Variants in DENND4A observed in about 807,000 individuals in gnomAD.
DENND4A encodes DENN domain containing 4A, also known as C-myc promoter-binding protein.
A neutral mutation model predicts 199.3 loss-of-function variants in DENND4A; 70 were observed. The observed-to-expected ratio is 0.35, with a 90% confidence interval of 0.29 to 0.43. The LOEUF (loss-of-function observed/expected upper bound fraction) is 0.43, where lower values mean the gene tolerates loss of function less well. Among genes scored for constraint, DENND4A ranks in the 20% least tolerant of loss-of-function variants. The pLI, the probability that DENND4A is intolerant of heterozygous loss-of-function variation, is 1.00. For synonymous variants in DENND4A, 686 were observed against 766.9 expected, an observed-to-expected ratio of 0.89 and a Z score of 1.74; for missense variants, 1,723 against 2,255.8, an observed-to-expected ratio of 0.76 and a Z score of 4.78.
Position 65,697,369 on chromosome 15 carries a change from G to T in DENND4A, c.2848C>A (p.Leu950Ile). The change falls in exon 21 of 33, where the codon CTT becomes ATT. Residue 950 changes from leucine (L) to isoleucine (I), a missense_variant. Physicochemically the swap from Leu to Ile is conservative, Grantham distance 5. Around this residue, in one of 6 missense-constraint regions of DENND4A, gnomAD observed 650 missense variants for 738.1 expected, o/e 0.88. Transcript: ENST00000443035. The stretch of plus-strand genomic sequence containing the variant: ...TCTTTAGATAATGAATTATATCCAA[G>T]ATCAGACTGGCCACCTGGTAAAAAC... ...DRSSTGGQSD[L>I]GYNSLSKDEV... The T allele has an allele frequency of 6.3e-7, 1 of 1,599,262 alleles. No individual in the cohort carries two copies.
At chr15:65,696,165 CT>C (rs1325176148) in intron 22 of DENND4A, among the ~76,000 whole-genome samples, 200 bp downstream of exon 22, 1 of 152,072 alleles carries the variant, frequency 6.6e-6, no homozygotes, top group Non-Finnish European at 1.5e-5. Context: ...AGGTTTACCC[CT>C]ATGCCTTGCT....
Position 65,708,624 on chromosome 15 carries a change from T to C in DENND4A, c.1954-2400A>G, listed in dbSNP as rs192485616. ...CTTTTGGAAAGCATGGTGACATCTG[T>C]CTCTATCGAGAGAAAAAGAAATCCA... On this transcript the variant is annotated intron_variant, in intron 14 of 32. Coordinates refer to ENST00000443035, the MANE Select transcript of DENND4A (RefSeq NM_001320835.1). Among the ~76,000 whole-genome samples the C allele has an allele frequency of 5.9e-5, 9 of 152,214 alleles. No homozygotes were observed. The East Asian group carries it at 1.7e-3, about 29-fold the overall frequency.
At chr15:65,740,817 C>T (rs896992161) in intron 5 of DENND4A, among the ~76,000 whole-genome samples, 11 of 151,858 alleles carry the variant, frequency 7.2e-5, no homozygotes, top group African/African-American at 2.4e-4. Flanking sequence ...AAAAAATTAG[C>T]CAGGCATGCT....
chr15:65,737,644 G>A (rs1430958688), intron 7 of DENND4A, 63 bp downstream of exon 7: 103 of 1,484,148 alleles, frequency 6.9e-5, no homozygotes, highest in East Asian at 1.5e-4. Flanking sequence ...CCCAGTTGCC[G>A]ACACAAATTT....
intron 2 of DENND4A, among the ~76,000 whole-genome samples, chr15:65,760,775 G>C (rs1414362240): frequency 6.6e-6 from 1 of 151,828 alleles, no homozygotes; most frequent in Non-Finnish European, 1.5e-5. Flanking sequence ...TATGATCCCA[G>C]CTACTTGAGA....
At position 65,771,503 on chromosome 15, in the gene DENND4A, A is replaced by T. The variant is rs112986657; in HGVS notation, c.-101-10065T>A. On this transcript the variant is annotated intron_variant, in intron 1 of 32. Transcript: ENST00000443035. ...ATAGAAGGAATAAGGAGGATTACAG[A>T]CCATCAACTGGCTTAATAATGACAC... The T allele has an allele frequency of 3.1e-6, 5 of 1,611,164 alleles. No individual in the cohort carries two copies. In the East Asian group the frequency reaches 6.7e-5, roughly 22 times the overall value.
chr15:65,771,967 G>A (rs1219780798), intron 1 of DENND4A: 17 of 1,541,454 alleles, frequency 1.1e-5, no homozygotes, highest in Middle Eastern at 1.7e-4. Flanking sequence ...ACTATCTTTC[G>A]TAACTCCAAG....
intron 22 of DENND4A, among the ~76,000 whole-genome samples, chr15:65,691,849 A>G (rs2076979423): frequency 1.3e-5 from 2 of 152,040 alleles, no homozygotes; most frequent in African/African-American, 4.8e-5. Context: ...TAAAAATGTT[A>G]TCAATTAAGA....
intron 13 of DENND4A, among the ~76,000 whole-genome samples, chr15:65,716,352 A>C (rs2075400032): frequency 2.0e-5 from 3 of 149,448 alleles, no homozygotes; most frequent in African/African-American, 7.4e-5. Flanking sequence ...CCATTAACTC[A>C]TCATTTAACA....
Position 65,697,383 on chromosome 15 carries a change from C to T in DENND4A, c.2834G>A (p.Gly945Asp). ...VYATDDRSST[G>D]GQSDLGYNSL... The stretch of plus-strand genomic sequence containing the variant: ...ATTATATCCAAGATCAGACTGGCCA[C>T]CTGGTAAAAACAAAAATAAACAAAA... Residue 945 changes from glycine (G) to aspartate (D), a missense_variant and splice_region_variant, in exon 21 of 33, where the codon GGT becomes GAT. By Grantham distance (94) the Gly-to-Asp change is moderately conservative. Around this residue, in one of 6 missense-constraint regions of DENND4A, gnomAD observed 650 missense variants for 738.1 expected, o/e 0.88. Transcript: ENST00000443035. The T allele has an allele frequency of 6.3e-6, 10 of 1,582,356 alleles. No individual in the cohort carries two copies. The highest frequency in any genetic ancestry group is 8.6e-6 in the Non-Finnish European group (10 of 1,161,684).
At chr15:65,748,052 AAAAAAAAAAAAGG>A in intron 4 of DENND4A, among the ~76,000 whole-genome samples, 1 of 147,724 alleles carries the variant, frequency 6.8e-6, no homozygotes, top group African/African-American at 2.5e-5. Flanking sequence ...AAAAAAAAAA[AAAAAAAAAAAAGG>A]AAAAAAAAAA....
rs147633230 is a variant in DENND4A, at chr15:65,698,480, G to A, written c.2834-1097C>T. On this transcript the variant is annotated intron_variant, in intron 20 of 32. Transcript: ENST00000443035. ...TTTGAAGTTCCCAAATTTGTAAAAC[G>A]TAAGGTTGTTATTACTATATGAGAC... Among the ~76,000 whole-genome samples, 5 of 152,086 alleles carry A rather than the reference G, an allele frequency of 3.3e-5. No individual in the cohort carries two copies. In the East Asian group the frequency reaches 7.7e-4, roughly 23 times the overall value.
chr15:65,715,433 G>T, intron 14 of DENND4A, 45 bp downstream of exon 14: 1 of 1,532,394 alleles, frequency 6.5e-7, no homozygotes, highest in Non-Finnish European at 8.8e-7. Context: ...ATTTATAACA[G>T]TCACACAAAA....
intron 1 of DENND4A, among the ~76,000 whole-genome samples, chr15:65,774,825 A>T (rs1300529458): frequency 5.1e-5 from 5 of 98,918 alleles, no homozygotes; most frequent in East Asian, 2.6e-3. Context: ...TGCTTTTTTT[A>T]AAAAAAAATT....
At chr15:65,752,346 G>A (rs780916414) in intron 4 of DENND4A, 33 bp downstream of exon 4, 2 of 958,434 alleles carry the variant, frequency 2.1e-6, no homozygotes, top group Non-Finnish European at 2.9e-6. Flanking sequence ...TTTCATCAGT[G>A]GTTAATGTTA....
chr15:65,700,622 C>T lies in DENND4A; in HGVS notation c.2755G>A (p.Gly919Arg), dbSNP rs760750616. 8.4e-6 allele frequency: 13 copies of T among 1,547,698 alleles called. No homozygotes were observed. The African/African-American group carries it at 1.8e-4, about 21-fold the overall frequency. ...VSHGSMDSGH[G>R]THTVEQAPFN... ...GGTGCCTGCTCCACAGTGTGTGTCCCATGACCACTATCCATGCTGCCATGA... is the reference window on the plus strand; with the variant it reads ...GGTGCCTGCTCCACAGTGTGTGTCCTATGACCACTATCCATGCTGCCATGA... The change falls in exon 20 of 33, where the codon GGG becomes AGG. Residue 919 changes from glycine to arginine, a missense_variant. This residue lies in a region of DENND4A where 650 missense variants were observed against 738.1 expected (regional missense o/e 0.88). Transcript: ENST00000443035.
At chr15:65,705,779 A>G (rs527478710) in intron 15 of DENND4A, among the ~76,000 whole-genome samples, 55 of 151,348 alleles carry the variant, frequency 3.6e-4, no homozygotes, top group African/African-American at 1.2e-3. Context: ...AGCTTTAACG[A>G]AAAAAAAATC....
chr15:65,785,911 C>T (rs924790975), intron 1 of DENND4A, among the ~76,000 whole-genome samples: 2 of 152,068 alleles, frequency 1.3e-5, no homozygotes, highest in African/African-American at 4.8e-5. Context: ...TTGTAACTAT[C>T]CTGAAAATAC....
chr15:65,691,566 C>A, intron 22 of DENND4A, 55 bp from the exon 23 acceptor site: 1 of 1,447,656 alleles, frequency 6.9e-7, no homozygotes, highest in South Asian at 1.5e-5. Flanking sequence ...AAATATAAGT[C>A]ATCTTAAATA....
Sources: gnomAD v4.1 joint callset for allele counts (sites outside exome capture counted in the v4.1 genomes callset) on GRCh38, gnomAD v4.1.1 for gene constraint, gnomAD v4.1.1 regional missense constraint, MANE v1.5 for transcripts, NCBI Gene and HGNC (gene_info 2026-07-23, HGNC 2026-07-21) for gene names.